FABP6: variants seen among roughly 807,000 people sequenced by gnomAD.
The protein encoded by FABP6 is fatty acid binding protein 6.
In FABP6, 13 loss-of-function variants were observed where a neutral mutation model predicts 14.9. The ratio of observed to expected loss-of-function variants is 0.87; its 90% CI spans 0.57 to 1.39. The LOEUF (loss-of-function observed/expected upper bound fraction) is 1.39, where lower values mean the gene tolerates loss of function less well. FABP6 is among the 40% of genes most tolerant of loss of function. FABP6 has a pLI of 0.00. For synonymous variants in FABP6, 75 were observed against 63.6 expected, an observed-to-expected ratio of 1.18 and a Z score of -0.85; for missense variants, 161 against 167.2, an observed-to-expected ratio of 0.96 and a Z score of 0.20.
At chr5:160,212,734 G>A (rs1242066904) in intron 2 of FABP6, among the ~76,000 whole-genome samples, 1 of 152,154 alleles carries the variant, frequency 6.6e-6, no homozygotes, top group African/African-American at 2.4e-5. Context: ...CTCCCAAAGT[G>A]TTGGGATTAC....
At chr5:160,222,420 G>A (rs7720128) in intron 3 of FABP6, among the ~76,000 whole-genome samples, 14,489 of 151,812 alleles carry the variant, frequency 0.095, 994 homozygotes, top group East Asian at 0.36. Flanking sequence ...TGCAACCTCC[G>A]CCTCCCAGGT....
At chr5:160,197,779 G>GC (rs10679304) in intron 1 of FABP6, 140,184 of 151,990 alleles carry the variant, frequency 0.92, 64,848 homozygotes, top group African/African-American at 0.98. Flanking sequence ...GCTGCAGGAA[G>GC]CGAGAGGCAG....
intron 1 of FABP6, among the ~76,000 whole-genome samples, chr5:160,193,929 G>C (rs1166793309): frequency 6.6e-6 from 1 of 152,254 alleles, no homozygotes; most frequent in South Asian, 2.1e-4. Context: ...GATGGGACTG[G>C]GCGCCGTGGG....
At chr5:160,225,802 T>C (rs1386140978), upstream of FABP6, among the ~76,000 whole-genome samples, 2 of 152,156 alleles carry the variant, frequency 1.3e-5, no homozygotes, top group East Asian at 1.9e-4. Flanking sequence ...GTGGTTATTG[T>C]ATATCTGTTA....
At chr5:160,214,754 G>C (rs529429313) in intron 3 of FABP6, among the ~76,000 whole-genome samples, 1 of 151,188 alleles carries the variant, frequency 6.6e-6, no homozygotes, top group East Asian at 2.0e-4. Flanking sequence ...AGGAGTTCAC[G>C]ACCAGCATGG....
At chr5:160,195,130 C>G (rs796663782) in intron 1 of FABP6, among the ~76,000 whole-genome samples, 40 of 152,104 alleles carry the variant, frequency 2.6e-4, no homozygotes, top group African/African-American at 8.7e-4. Context: ...ACTAAAAATA[C>G]AAACATTAGC....
chr5:160,190,974 A>G (rs1759382060), intron 1 of FABP6, among the ~76,000 whole-genome samples: 1 of 149,842 alleles, frequency 6.7e-6, no homozygotes, highest in African/African-American at 2.5e-5. Flanking sequence ...AAAATTAGCC[A>G]GCGTGGTGTA....
chr5:160,227,525 C>CAAAAA (rs10645896), upstream of FABP6, among the ~76,000 whole-genome samples: 169 of 99,432 alleles, frequency 1.7e-3, 3 homozygotes, highest in Middle Eastern at 5.7e-3. Flanking sequence ...GACTTCACTT[C>CAAAAA]AAAAAAAAAA....
chr5:160,192,958 AAAAT>A (rs1167820143), intron 1 of FABP6, among the ~76,000 whole-genome samples: 1 of 152,208 alleles, frequency 6.6e-6, no homozygotes, highest in Non-Finnish European at 1.5e-5. Context: ...CAAAAAATAA[AAAAT>A]AAGCCAGGCA....
intron 3 of FABP6, among the ~76,000 whole-genome samples, chr5:160,214,400 A>G (rs1312548282): frequency 1.3e-5 from 2 of 151,878 alleles, no homozygotes; most frequent in African/African-American, 2.4e-5. Context: ...CTTGGCCTCA[A>G]GCAGTCCTCT....
intron 1 of FABP6, among the ~76,000 whole-genome samples, chr5:160,194,470 A>G (rs369919193): frequency 6.6e-6 from 1 of 152,090 alleles, no homozygotes; most frequent in East Asian, 1.9e-4. Context: ...GTTATCTCTC[A>G]TTTGAGGCTG....
intron 2 of FABP6, among the ~76,000 whole-genome samples, chr5:160,213,256 G>A (rs1051824435): frequency 6.6e-6 from 1 of 152,162 alleles, no homozygotes; most frequent in African/African-American, 2.4e-5. Context: ...CTCATGTCCC[G>A]TTTGTCCCAT....
intron 2 of FABP6, among the ~76,000 whole-genome samples, chr5:160,211,853 GCA>G (rs1276013117): frequency 1.3e-5 from 2 of 152,180 alleles, no homozygotes; most frequent in African/African-American, 4.8e-5. Context: ...TATAGACACT[GCA>G]CAGTTATAGG....
intron 1 of FABP6, among the ~76,000 whole-genome samples, chr5:160,194,500 C>G (rs1021632199): frequency 5.9e-5 from 9 of 152,028 alleles, no homozygotes; most frequent in Admixed American, 2.0e-4. Context: ...ATGATTGCAC[C>G]ATTGCACTCC....
intron 2 of FABP6, among the ~76,000 whole-genome samples, chr5:160,204,262 A>T (rs1292252347): frequency 6.6e-6 from 1 of 152,066 alleles, no homozygotes; most frequent in Non-Finnish European, 1.5e-5. Context: ...GGCTGCAATG[A>T]GCTATAATCC....
chr5:160,216,688 C>A (rs1479211741), intron 3 of FABP6, among the ~76,000 whole-genome samples: 1 of 152,194 alleles, frequency 6.6e-6, no homozygotes, highest in Non-Finnish European at 1.5e-5. Flanking sequence ...CAAACTTAAT[C>A]AATGACTGGT....
At chr5:160,191,973 C>CAAAAAAAGA (rs1215018306) in intron 1 of FABP6, among the ~76,000 whole-genome samples, 2 of 149,302 alleles carry the variant, frequency 1.3e-5, no homozygotes, top group East Asian at 2.0e-4. Context: ...GACTCCATCT[C>CAAAAAAAGA]AAAAAAAGAA....
At chr5:160,207,987 G>A (rs1216075733) in intron 2 of FABP6, among the ~76,000 whole-genome samples, 2 of 152,130 alleles carry the variant, frequency 1.3e-5, no homozygotes, top group African/African-American at 2.4e-5. Context: ...GCCTCTCAAA[G>A]TGCTGGGATT....
rs150506210 is a variant in FABP6, at chr5:160,223,454, G to A, written c.136-6092G>A. ...CTTCCTTTTTTTTTGACAAATTCTCGCTCTGTTGCCTAGGCTGGAGTGCAG... is the reference window on the plus strand; with the variant it reads ...CTTCCTTTTTTTTTGACAAATTCTCACTCTGTTGCCTAGGCTGGAGTGCAG... On this transcript the variant is annotated intron_variant, in intron 3 of 6. Coordinates refer to the FABP6 transcript ENST00000393980. 7.8e-3 allele frequency among the ~76,000 whole-genome samples: 1,108 copies of A among 142,002 alleles called. 10 individuals carry two copies. Among genetic ancestry groups the A allele is most frequent in the South Asian group, 0.02 (91 of 4,456 alleles). 93.2% of individuals were successfully genotyped at this position (142,002 alleles called of 152,430 possible).
Sources: gnomAD v4.1 joint callset for allele counts (sites outside exome capture counted in the v4.1 genomes callset) on GRCh38, gnomAD v4.1.1 for gene constraint, MANE v1.5 for transcripts, NCBI Gene and HGNC (gene_info 2026-07-23, HGNC 2026-07-21) for gene names.